The following RSF1 variants were observed in gnomAD, a reference collection of about 807,000 sequenced individuals.
The protein encoded by RSF1 is remodeling and spacing factor 1.
A neutral mutation model predicts 145.2 loss-of-function variants in RSF1; 13 were observed. The observed-to-expected ratio is 0.09, with a 90% CI of 0.06 to 0.14. RSF1 has a LOEUF of 0.14. Among genes scored for constraint, RSF1 ranks in the 10% least tolerant of loss-of-function variants. RSF1 has a pLI of 1.00. For missense variants in RSF1, 1,517 were observed against 1,718.2 expected (o/e 0.88, Z 2.07); for synonymous variants, 577 against 592.6 (o/e 0.97, Z 0.38).
At chr11:77,719,015 G>C (rs79258315) in intron 5 of RSF1, among the ~76,000 whole-genome samples, 3,235 of 152,144 alleles carry the variant, frequency 0.021, 100 homozygotes, top group African/African-American at 0.073. Context: ...TTGGGAGATG[G>C]GGGGGAGGAT....
intron 1 of RSF1, among the ~76,000 whole-genome samples, chr11:77,800,238 T>TC (rs972686089): frequency 1.3e-5 from 2 of 152,168 alleles, no homozygotes; most frequent in Non-Finnish European, 2.9e-5. Flanking sequence ...ATACCTGTAA[T>TC]CCCAGCACTT....
In RSF1 at chr11:77,702,332, C is replaced by A. The variant is rs777542243; in HGVS notation, c.897G>T (p.Leu299Phe). The A allele has an allele frequency of 3.1e-6, 5 of 1,609,632 alleles. No homozygotes were observed. In the African/African-American group the frequency reaches 6.7e-5, roughly 22 times the overall value. ...LPVIVKLEKP[L>F]PENEEKKIIK... is the part of the protein sequence containing the mutation. ...TAATCTTTTTTTCTTCATTTTCTGG[C>A]AAAGGTTTTTCTAGCTTCACTATGA... Residue 299 changes from leucine to phenylalanine, a missense_variant, in exon 6 of 16, where the codon TTG becomes TTT. Leu to Phe is a conservative substitution (Grantham distance 22). Around this residue, in one of 12 missense-constraint regions of RSF1, gnomAD observed 207 missense variants for 191.4 expected, o/e 1.08. Transcript: ENST00000308488.
At chr11:77,748,061 C>T (rs575838813) in intron 2 of RSF1, among the ~76,000 whole-genome samples, 5 of 152,100 alleles carry the variant, frequency 3.3e-5, no homozygotes, top group African/African-American at 1.2e-4. Flanking sequence ...AAAAACAAGC[C>T]AGCTCTCTCA....
chr11:77,868,124 T>G, the RSF1 span, among the ~76,000 whole-genome samples: 1 of 150,348 alleles, frequency 6.7e-6, no homozygotes, highest in South Asian at 2.1e-4. Flanking sequence ...GGCACAATCT[T>G]GGCTCACTGC....
chr11:77,698,723 T>C, intron 6 of RSF1, 30 bp from the exon 7 acceptor site: 1 of 1,572,564 alleles, frequency 6.4e-7, no homozygotes, highest in Non-Finnish European at 8.7e-7. Flanking sequence ...ATTGGGATAA[T>C]TTGATATAAG....
chr11:77,741,770 CCAT>C (rs994352341), intron 3 of RSF1, among the ~76,000 whole-genome samples: 2 of 152,060 alleles, frequency 1.3e-5, no homozygotes, highest in African/African-American at 4.8e-5. Context: ...TCTATAGTCA[CCAT>C]GTTATACAAC....
At chr11:77,748,321 C>A (rs1000196576) in intron 2 of RSF1, among the ~76,000 whole-genome samples, 2 of 150,524 alleles carry the variant, frequency 1.3e-5, no homozygotes, top group Admixed American at 6.7e-5. Flanking sequence ...ACCCCCTGGG[C>A]TCAGGTGATC....
At chr11:77,739,805 A>C (rs549255684) in intron 4 of RSF1, among the ~76,000 whole-genome samples, 1 of 152,362 alleles carries the variant, frequency 6.6e-6, no homozygotes, top group South Asian at 2.1e-4. Context: ...AGAAAACTAA[A>C]GACACAAAGA....
Position 77,660,296 on chromosome 11 carries a change from A to G in RSF1, c.*6621T>C, listed in dbSNP as rs1440109618. 1 of 152,212 alleles carries G rather than the reference A, an allele frequency of 6.6e-6. No homozygotes were observed. The highest frequency in any genetic ancestry group is 1.5e-5 in the Non-Finnish European group (1 of 68,024). The allele number at this position is 152,212 out of a possible 1,614,324, so 9.4% of individuals were successfully genotyped here. ...TGCAATTCTAACACACTAGGTGTTC[A>G]TACACTGAAGTTAACCCCTGAAGCT... On this transcript the variant is annotated 3_prime_UTR_variant, in exon 16 of 16. Transcript: ENST00000308488.
the RSF1 span, among the ~76,000 whole-genome samples, chr11:77,848,742 C>G: frequency 6.6e-6 from 1 of 152,108 alleles, no homozygotes; most frequent in Non-Finnish European, 1.5e-5. Flanking sequence ...TGAAAGCAAA[C>G]AGTAAGCTCA....
intron 1 of RSF1, among the ~76,000 whole-genome samples, chr11:77,790,830 C>G (rs1454036108): frequency 6.6e-6 from 1 of 152,180 alleles, no homozygotes; most frequent in African/African-American, 2.4e-5. Flanking sequence ...AAGATGGGTT[C>G]CCATGGTCTT....
intron 12 of RSF1, 90 bp downstream of exon 12, chr11:77,677,996 A>AT: frequency 1.2e-6 from 1 of 843,516 alleles, no homozygotes; most frequent in Admixed American, 1.8e-5. Flanking sequence ...GGGAAAGAGA[A>AT]TAAAAACATA....
chr11:77,692,370 A>C (rs1231676502), intron 8 of RSF1, among the ~76,000 whole-genome samples: 1 of 114,562 alleles, frequency 8.7e-6, no homozygotes, highest in Non-Finnish European at 1.7e-5. Flanking sequence ...TCAGCCTCCC[A>C]AGTAGCTGGG....
At chr11:77,717,994 GCACT>G (rs1423215365) in intron 5 of RSF1, 2 of 151,970 alleles carry the variant, frequency 1.3e-5, no homozygotes, top group Non-Finnish European at 2.9e-5. Flanking sequence ...CTTTTTTGCT[GCACT>G]CAAACTCAAA....
At chr11:77,714,936 T>G (rs540078009) in intron 5 of RSF1, among the ~76,000 whole-genome samples, 1 of 152,216 alleles carries the variant, frequency 6.6e-6, no homozygotes, top group East Asian at 1.9e-4. Context: ...CTGGGCAACA[T>G]AGCAAGACCT....
chr11:77,713,284 T>C (rs987940867), intron 5 of RSF1, among the ~76,000 whole-genome samples: 1 of 152,180 alleles, frequency 6.6e-6, no homozygotes, highest in African/African-American at 2.4e-5. Flanking sequence ...TAACAGCTTA[T>C]CTGCAGTCTA....
rs562251091 is a variant in RSF1 at position 77,660,964 on chromosome 11, T to C, written c.*5953A>G. 8 of 152,284 alleles carry C rather than the reference T, an allele frequency of 5.3e-5. No homozygotes were observed. Among genetic ancestry groups the C allele is most frequent in the East Asian group, 3.9e-4 (2 of 5,194 alleles). 9.4% of individuals were successfully genotyped at this position (152,284 alleles called of 1,614,324 possible). On this transcript the variant is annotated 3_prime_UTR_variant, in exon 16 of 16. Transcript: ENST00000308488. ...TTTAAACGAAGCTGTGAATATACCA[T>C]GGTAAAATGTGCCATGTAAAAGACT...
chr11:77,802,100 G>A (rs1192070676), intron 1 of RSF1, among the ~76,000 whole-genome samples: 4 of 152,098 alleles, frequency 2.6e-5, no homozygotes, highest in Admixed American at 2.6e-4. Flanking sequence ...CTGCACTTGG[G>A]ACTCTTCCAG....
chr11:77,791,237 G>A (rs1948514082), intron 1 of RSF1, among the ~76,000 whole-genome samples: 1 of 152,154 alleles, frequency 6.6e-6, no homozygotes, highest in Non-Finnish European at 1.5e-5. Context: ...AATGGAAGTT[G>A]CCAAGGCTTG....
Sources: gnomAD v4.1 joint callset for allele counts (sites outside exome capture counted in the v4.1 genomes callset) on GRCh38, gnomAD v4.1.1 for gene constraint, gnomAD v4.1.1 regional missense constraint, MANE v1.5 for transcripts, NCBI Gene and HGNC (gene_info 2026-07-23, HGNC 2026-07-21) for gene names.